The following GPATCH2 variants were observed in gnomAD, a reference collection of about 807,000 sequenced individuals.
GPATCH2 encodes G patch domain-containing protein 2.
Under a neutral mutation model 58.0 loss-of-function variants are expected in GPATCH2, and 51 were observed. The ratio of observed to expected loss-of-function variants is 0.88; its 90% CI spans 0.70 to 1.11. GPATCH2 has a LOEUF of 1.11. GPATCH2 is among the 50% of genes most tolerant of loss of function. The pLI, the probability that GPATCH2 is intolerant of heterozygous loss-of-function variation, is 0.00. For synonymous variants in GPATCH2, 222 were observed against 218.5 expected, an observed-to-expected ratio of 1.02 and a Z score of -0.14; for missense variants, 625 against 652.2, an observed-to-expected ratio of 0.96 and a Z score of 0.45.
intron 9 of GPATCH2, 67 bp from the exon 10 acceptor site, chr1:217,431,432 A>G (rs1658529959): frequency 2.1e-6 from 2 of 943,438 alleles, no homozygotes; most frequent in Admixed American, 3.5e-5. Flanking sequence ...AGGCTATGAA[A>G]ACGATGTTCT....
At chr1:217,562,657 T>C (rs181759578) in intron 5 of GPATCH2, among the ~76,000 whole-genome samples, 133 of 152,310 alleles carry the variant, frequency 8.7e-4, no homozygotes, top group African/African-American at 3.1e-3. Flanking sequence ...TTCCATATTA[T>C]CATTAATAAA....
At position 217,610,871 on chromosome 1, in the gene GPATCH2, G is replaced by C; in HGVS notation, c.1018+18C>G. 6.4e-7 allele frequency: 1 copy of C among 1,568,748 alleles called. No homozygotes were observed. The highest frequency in any genetic ancestry group is 8.8e-7 in the Non-Finnish European group (1 of 1,142,304). Reference sequence around the variant, plus strand: ...ACCTTAAACCCATTATATCTACCAGGGAGCCAGTGCTACTGACCTCTTCTG... The same window carrying C: ...ACCTTAAACCCATTATATCTACCAGCGAGCCAGTGCTACTGACCTCTTCTG... On this transcript the variant is annotated intron_variant, in intron 4 of 9. Coordinates refer to ENST00000366935, the MANE Select transcript of GPATCH2 (RefSeq NM_018040.5).
At chr1:217,498,690 G>T in intron 6 of GPATCH2, 2 of 494,182 alleles carry the variant, frequency 4.0e-6, no homozygotes, top group Non-Finnish European at 7.2e-6. Context: ...AATCAATTCT[G>T]GTTATAAAAC....
At chr1:217,452,851 C>A (rs576198624) in intron 8 of GPATCH2, among the ~76,000 whole-genome samples, 1 of 152,166 alleles carries the variant, frequency 6.6e-6, no homozygotes, top group South Asian at 2.1e-4. Context: ...AAGACCTGAG[C>A]CATAAGAAAA....
At chr1:217,561,924 T>G (rs1665945265) in intron 5 of GPATCH2, among the ~76,000 whole-genome samples, 1 of 152,148 alleles carries the variant, frequency 6.6e-6, no homozygotes, top group Non-Finnish European at 1.5e-5. Context: ...GGGGACTGGT[T>G]CTAGTTTGTG....
intron 5 of GPATCH2, among the ~76,000 whole-genome samples, chr1:217,539,423 T>A (rs1296423178): frequency 2.6e-5 from 4 of 152,180 alleles, no homozygotes; most frequent in African/African-American, 9.7e-5. Flanking sequence ...AAGGGCAATG[T>A]CCACATTGTT....
intron 6 of GPATCH2, among the ~76,000 whole-genome samples, chr1:217,505,148 C>T (rs745689705): frequency 1.3e-5 from 2 of 152,202 alleles, no homozygotes; most frequent in African/African-American, 2.4e-5. Flanking sequence ...CCTGTCCTCA[C>T]AATTCATAAG....
chr1:217,507,667 A>G (rs1662628143), intron 6 of GPATCH2, among the ~76,000 whole-genome samples: 5 of 152,320 alleles, frequency 3.3e-5, no homozygotes, highest in South Asian at 2.1e-4. Flanking sequence ...AGTAATATGT[A>G]AACTTTTATT....
In GPATCH2 at chr1:217,620,334, C is replaced by T. The variant is rs1393640933; in HGVS notation, c.222G>A (p.Arg74=). The T allele has an allele frequency of 1.9e-6, 3 of 1,614,008 alleles. No individual in the cohort carries two copies. Among genetic ancestry groups the T allele is most frequent in the South Asian group, 2.2e-5 (2 of 91,070 alleles). ...CCCACGGGTGATGCACATTATACGACCTCCGTTTTCTCCCTCTCCTTTTCC... is the reference window on the plus strand; with the variant it reads ...CCCACGGGTGATGCACATTATACGATCTCCGTTTTCTCCCTCTCCTTTTCC... The part of the protein sequence containing the change: ...QARKRRGRKR[R]SYNVHHPWET... The change falls in exon 2 of 10, where the codon AGG becomes AGA. Residue 74 remains arginine, a synonymous_variant. Coordinates refer to ENST00000366935, the MANE Select transcript of GPATCH2 (RefSeq NM_018040.5).
intron 8 of GPATCH2, among the ~76,000 whole-genome samples, chr1:217,490,752 T>C (rs1661687657): frequency 6.6e-6 from 1 of 152,248 alleles, no homozygotes; most frequent in Admixed American, 6.5e-5. Context: ...AATCTATATC[T>C]TACAATTTTA....
intron 5 of GPATCH2, among the ~76,000 whole-genome samples, chr1:217,519,924 A>C (rs879384559): frequency 1.7e-4 from 26 of 152,150 alleles, no homozygotes; most frequent in African/African-American, 6.3e-4. Flanking sequence ...AATCTTTTTG[A>C]TGTCTTGATA....
At chr1:217,610,138 T>A (rs1336734187) in intron 5 of GPATCH2, 183 bp downstream of exon 5, 8 of 1,552,310 alleles carry the variant, frequency 5.2e-6, no homozygotes, top group Non-Finnish European at 7.0e-6. Context: ...GTAACTAATT[T>A]ATTAGCATTA....
chr1:217,515,765 C>T (rs1296746822), intron 5 of GPATCH2, among the ~76,000 whole-genome samples: 2 of 144,924 alleles, frequency 1.4e-5, no homozygotes, highest in African/African-American at 5.0e-5. Context: ...TGTAAATATC[C>T]TTTAAAAAAA....
At chr1:217,496,648 G>A (rs528474277) in intron 7 of GPATCH2, among the ~76,000 whole-genome samples, 5 of 152,194 alleles carry the variant, frequency 3.3e-5, no homozygotes, top group South Asian at 2.1e-4. Context: ...CCCTGAGTTC[G>A]ATGTTAATGA....
At chr1:217,611,121 C>A in intron 3 of GPATCH2, 50 bp from the exon 4 acceptor site, 1 of 1,507,098 alleles carries the variant, frequency 6.6e-7, no homozygotes, top group South Asian at 1.2e-5. Context: ...GTTTTATCAT[C>A]CAGTTACACA....
intron 5 of GPATCH2, among the ~76,000 whole-genome samples, chr1:217,582,854 A>C (rs534985124): frequency 7.9e-5 from 12 of 152,324 alleles, no homozygotes; most frequent in African/African-American, 2.9e-4. Flanking sequence ...AAATATACTT[A>C]ACTATGATTA....
rs530485553 is a variant in GPATCH2 at position 217,428,227 on chromosome 1, C to G, written c.*2918G>C. The G allele has an allele frequency of 1.4e-4, 22 of 152,220 alleles. No homozygotes were observed. Among genetic ancestry groups the G allele is most frequent in the African/African-American group, 5.3e-4 (22 of 41,528 alleles). The allele number at this position is 152,220 out of a possible 1,614,324, so 9.4% of individuals were successfully genotyped here. On this transcript the variant is annotated 3_prime_UTR_variant, in exon 10 of 10. Transcript: ENST00000366935. ...GGTAATTAGGATAGAAAAGGGAGAC[C>G]TATGCAGTCTCTAAAATTTTTAGTA...
intron 5 of GPATCH2, among the ~76,000 whole-genome samples, chr1:217,544,600 G>C (rs1045317471): frequency 7.9e-5 from 12 of 152,186 alleles, no homozygotes; most frequent in East Asian, 3.9e-4. Flanking sequence ...GCTGCTAACT[G>C]CTATTGGAAA....
At chr1:217,628,468 A>C (rs970111309) in intron 1 of GPATCH2, among the ~76,000 whole-genome samples, 4 of 152,010 alleles carry the variant, frequency 2.6e-5, no homozygotes, top group Non-Finnish European at 4.4e-5. Context: ...TGAAACAAAA[A>C]CCTGACTCAA....
Sources: allele counts gnomAD v4.1 joint callset (sites outside exome capture counted in the v4.1 genomes callset), GRCh38; gene constraint gnomAD v4.1.1; transcripts MANE v1.5; gene names NCBI Gene and HGNC (gene_info 2026-07-23, HGNC 2026-07-21).